SLC8A3: variants seen among roughly 807,000 people sequenced by gnomAD.
SLC8A3 encodes sodium/calcium exchanger 3.
In SLC8A3, 37 loss-of-function variants were observed where a neutral mutation model predicts 65.4. The ratio of observed to expected loss-of-function variants is 0.57; its 90% confidence interval spans 0.44 to 0.74. SLC8A3 has a LOEUF of 0.74. Ranked by LOEUF, SLC8A3 falls within the 30% of genes least tolerant of loss-of-function variation. SLC8A3 has a pLI of 0.00. For synonymous variants in SLC8A3, 461 were observed against 444.5 expected (o/e 1.04, Z -0.47); for missense variants, 1,112 against 1,172.1 (o/e 0.95, Z 0.75).
intron 2 of SLC8A3, among the ~76,000 whole-genome samples, chr14:70,123,543 G>A (rs1460418410): frequency 6.6e-6 from 1 of 150,944 alleles, no homozygotes; most frequent in African/African-American, 2.4e-5. Context: ...TCCACCTCCT[G>A]GGTTCAAGCA....
chr14:70,051,238 G>A lies in SLC8A3; in HGVS notation c.2014-131C>T, dbSNP rs1594888578. 4 of 633,152 alleles carry A rather than the reference G, an allele frequency of 6.3e-6. No homozygotes were observed. In the East Asian group the frequency reaches 1.1e-4, roughly 18 times the overall value. 39.2% of individuals were successfully genotyped at this position (633,152 alleles called of 1,614,324 possible). ...TGACAGTTACGCATGGAATGGCCTTGGGCGATCTCTTTTGAGGCAATCCTT... is the reference window on the plus strand; with the variant it reads ...TGACAGTTACGCATGGAATGGCCTTAGGCGATCTCTTTTGAGGCAATCCTT... On this transcript the variant is annotated intron_variant, in intron 4 of 6. Coordinates refer to ENST00000356921, the MANE Select transcript of SLC8A3 (RefSeq NM_182932.3).
At chr14:70,048,354 A>C (rs1887035682) in intron 6 of SLC8A3, 1 of 460,412 alleles carries the variant, frequency 2.2e-6, no homozygotes, top group Non-Finnish European at 3.8e-6. Context: ...CAATATCTAC[A>C]TTCTTTTAAT....
intron 2 of SLC8A3, among the ~76,000 whole-genome samples, chr14:70,067,984 C>A (rs1019853192): frequency 2.6e-5 from 4 of 152,196 alleles, no homozygotes; most frequent in African/African-American, 9.7e-5. Context: ...AAGCTTTCTG[C>A]CAAGGGAGGT....
At chr14:70,077,815 T>C (rs925754556) in intron 2 of SLC8A3, among the ~76,000 whole-genome samples, 1 of 152,222 alleles carries the variant, frequency 6.6e-6, no homozygotes, top group East Asian at 1.9e-4. Flanking sequence ...CCTTTACTCT[T>C]TTGCCTGGGC....
At chr14:70,170,248 T>C (rs1897437106) in intron 1 of SLC8A3, among the ~76,000 whole-genome samples, 1 of 152,136 alleles carries the variant, frequency 6.6e-6, no homozygotes, top group South Asian at 2.1e-4. Context: ...CTCATCCCCC[T>C]TCATCCCGTC....
In SLC8A3 at chr14:70,116,022, T is replaced by C. The variant is rs746739793; in HGVS notation, c.1784+50617A>G. Among the ~76,000 whole-genome samples, 33 of 152,176 alleles carry C rather than the reference T, an allele frequency of 2.2e-4. 1 individual carries two copies. The highest frequency in any genetic ancestry group is 3.8e-4 in the Non-Finnish European group (26 of 67,988). On this transcript the variant is annotated intron_variant, in intron 2 of 6. Coordinates refer to ENST00000356921, the MANE Select transcript of SLC8A3 (RefSeq NM_182932.3). ...CGCCTTCCAATGCCAGGCCCAAGTT[T>C]CTCAAAGGAATGCCTAGGCTTTTAT...
intron 2 of SLC8A3, among the ~76,000 whole-genome samples, chr14:70,086,002 A>G (rs1891405614): frequency 6.6e-6 from 1 of 152,232 alleles, no homozygotes; most frequent in African/African-American, 2.4e-5. Context: ...CTTAACCACT[A>G]TACTATACTG....
chr14:70,165,724 G>A (rs1392116380), intron 2 of SLC8A3, among the ~76,000 whole-genome samples: 1 of 152,232 alleles, frequency 6.6e-6, no homozygotes, highest in Non-Finnish European at 1.5e-5. Context: ...TCAATGGGCA[G>A]AGGCCTTAGG....
intron 2 of SLC8A3, among the ~76,000 whole-genome samples, chr14:70,067,776 T>G (rs2139884174): frequency 6.6e-6 from 1 of 152,330 alleles, no homozygotes; most frequent in East Asian, 1.9e-4. Context: ...CCAAGGAAGC[T>G]CTCTCCAACA....
intron 2 of SLC8A3, among the ~76,000 whole-genome samples, chr14:70,109,674 GA>G (rs1032451345): frequency 6.6e-6 from 1 of 151,820 alleles, no homozygotes; most frequent in African/African-American, 2.4e-5. Context: ...AGCTGGTCTC[GA>G]AAAGTCCTAA....
At chr14:70,137,076 T>C (rs927025768) in intron 2 of SLC8A3, among the ~76,000 whole-genome samples, 2 of 152,172 alleles carry the variant, frequency 1.3e-5, no homozygotes, top group African/African-American at 4.8e-5. Context: ...GAACCAGGCC[T>C]CTAAGACCTA....
chr14:70,148,668 T>A (rs2140299198), intron 2 of SLC8A3, among the ~76,000 whole-genome samples: 1 of 152,278 alleles, frequency 6.6e-6, no homozygotes, highest in Non-Finnish European at 1.5e-5. Flanking sequence ...TCATGTTGAA[T>A]GAAACACATA....
chr14:70,156,093 G>A (rs1466117873), intron 2 of SLC8A3, among the ~76,000 whole-genome samples: 1 of 152,192 alleles, frequency 6.6e-6, no homozygotes, highest in Non-Finnish European at 1.5e-5. Flanking sequence ...CCATGAAAAA[G>A]GCCTGCGGTG....
At chr14:70,075,610 C>G (rs1026058723) in intron 2 of SLC8A3, among the ~76,000 whole-genome samples, 4 of 152,190 alleles carry the variant, frequency 2.6e-5, no homozygotes, top group Non-Finnish European at 5.9e-5. Context: ...CCACACCACC[C>G]TACTTAAACC....
At chr14:70,119,839 A>G (rs1021583137) in intron 2 of SLC8A3, among the ~76,000 whole-genome samples, 2 of 152,384 alleles carry the variant, frequency 1.3e-5, no homozygotes, top group East Asian at 3.9e-4. Flanking sequence ...AACGTTCTGT[A>G]TAATTGCTAG....
At chr14:70,141,289 A>G (rs1278597543) in intron 2 of SLC8A3, among the ~76,000 whole-genome samples, 1 of 152,090 alleles carries the variant, frequency 6.6e-6, no homozygotes, top group Non-Finnish European at 1.5e-5. Flanking sequence ...CCCCATTTAG[A>G]CCTTGCTGCA....
At chr14:70,185,171 T>C (rs764075975) in intron 1 of SLC8A3, among the ~76,000 whole-genome samples, 1 of 152,188 alleles carries the variant, frequency 6.6e-6, no homozygotes, top group Non-Finnish European at 1.5e-5. Flanking sequence ...TTCACCATGT[T>C]GGCAAGGCTG....
At chr14:70,086,401 C>CTTTTTTT (rs10605312) in intron 2 of SLC8A3, among the ~76,000 whole-genome samples, 121 of 116,124 alleles carry the variant, frequency 1.0e-3, no homozygotes, top group Non-Finnish European at 1.5e-3. Flanking sequence ...TTTCTTTTTT[C>CTTTTTTT]TTTTTTTTTT....
At chr14:70,058,889 C>T (rs1431446535) in intron 3 of SLC8A3, among the ~76,000 whole-genome samples, 7 of 152,100 alleles carry the variant, frequency 4.6e-5, no homozygotes, top group Non-Finnish European at 8.8e-5. Context: ...TTACAATTGG[C>T]CTTGGGTATC....
Sources: allele counts gnomAD v4.1 joint callset (sites outside exome capture counted in the v4.1 genomes callset), GRCh38; gene constraint gnomAD v4.1.1; transcripts MANE v1.5; gene names NCBI Gene and HGNC (gene_info 2026-07-23, HGNC 2026-07-21).